Variants in PIBF1 observed in about 807,000 individuals in gnomAD.
PIBF1 encodes the protein progesterone-induced-blocking factor 1.
In PIBF1, 90 loss-of-function variants were observed where a neutral mutation model predicts 112.5. The observed-to-expected ratio is 0.80, with a 90% confidence interval of 0.67 to 0.95. The LOEUF is 0.95. PIBF1 is among the 40% of genes least tolerant of loss of function. The pLI is 0.00. For missense variants in PIBF1, 915 were observed against 852.3 expected (o/e 1.07, Z -0.92); for synonymous variants, 301 against 288.6 (o/e 1.04, Z -0.44).
intron 2 of PIBF1, among the ~76,000 whole-genome samples, chr13:72,792,019 G>A (rs1389172183): frequency 1.3e-5 from 2 of 152,122 alleles, no homozygotes; most frequent in East Asian, 3.9e-4. Context: ...CAGGAGGCCA[G>A]GCGCGGTGGC....
At chr13:72,875,159 T>A (rs1456349822) in intron 10 of PIBF1, among the ~76,000 whole-genome samples, 1 of 152,194 alleles carries the variant, frequency 6.6e-6, no homozygotes, top group East Asian at 1.9e-4. Context: ...ATCATACAGT[T>A]TGTAGTCTTT....
intron 10 of PIBF1, among the ~76,000 whole-genome samples, chr13:72,855,668 T>C (rs1474357226): frequency 1.3e-5 from 2 of 152,058 alleles, no homozygotes; most frequent in Admixed American, 1.3e-4. Flanking sequence ...TTTTTTAGTT[T>C]ATCTAAAAAA....
At chr13:72,970,805 T>C (rs189936368) in intron 15 of PIBF1, 11 of 152,286 alleles carry the variant, frequency 7.2e-5, no homozygotes, top group African/African-American at 2.6e-4. Context: ...ATCATCATAT[T>C]CAGTTTTAGA....
chr13:73,004,710 C>T (rs141292537), intron 17 of PIBF1, among the ~76,000 whole-genome samples: 167 of 152,194 alleles, frequency 1.1e-3, no homozygotes, highest in African/African-American at 3.9e-3. Context: ...ATAGGTTATA[C>T]CTAGTCATAT....
intron 10 of PIBF1, 22 bp from the exon 11 acceptor site, chr13:72,893,762 A>G (rs202174989): frequency 1.7e-4 from 259 of 1,506,256 alleles, no homozygotes; most frequent in Middle Eastern, 4.2e-4. Flanking sequence ...TTAGAGTGTC[A>G]TAACCATTCT....
chr13:72,788,998 C>T (rs1319177824), intron 2 of PIBF1, among the ~76,000 whole-genome samples: 1 of 152,166 alleles, frequency 6.6e-6, no homozygotes, highest in Non-Finnish European at 1.5e-5. Flanking sequence ...TCCAAGAACA[C>T]TTTAAAAGCA....
intron 17 of PIBF1, among the ~76,000 whole-genome samples, chr13:73,008,333 CT>C (rs1398945372): frequency 6.6e-6 from 1 of 152,180 alleles, no homozygotes; most frequent in Non-Finnish European, 1.5e-5. Context: ...AGTACTACCC[CT>C]GATGCTTGTA....
chr13:73,004,432 A>T (rs1208795140), intron 17 of PIBF1, among the ~76,000 whole-genome samples: 1 of 151,382 alleles, frequency 6.6e-6, no homozygotes, highest in Admixed American at 6.6e-5. Context: ...CGGAGGTTGC[A>T]TTGAGCCGAG....
intron 12 of PIBF1, among the ~76,000 whole-genome samples, chr13:72,913,121 TCAC>T (rs1594182345): frequency 6.6e-6 from 1 of 151,936 alleles, no homozygotes; most frequent in African/African-American, 2.4e-5. Context: ...AAGATGATTG[TCAC>T]CAAAAATTAA....
At chr13:72,943,227 G>A (rs560087199) in intron 14 of PIBF1, among the ~76,000 whole-genome samples, 1 of 152,290 alleles carries the variant, frequency 6.6e-6, no homozygotes, top group Admixed American at 6.5e-5. Flanking sequence ...GGAATGAAGA[G>A]AGGGTGGTTA....
At chr13:72,923,328 C>T (rs1337754823) in intron 13 of PIBF1, among the ~76,000 whole-genome samples, 1 of 152,148 alleles carries the variant, frequency 6.6e-6, no homozygotes, top group Non-Finnish European at 1.5e-5. Flanking sequence ...AACCAATAAC[C>T]TGTATTTGGC....
intron 17 of PIBF1, among the ~76,000 whole-genome samples, chr13:73,007,526 T>C (rs1228722143): frequency 6.6e-6 from 1 of 152,114 alleles, no homozygotes; most frequent in African/African-American, 2.4e-5. Flanking sequence ...CCTTTTAAAC[T>C]AGGCCAGGCG....
intron 16 of PIBF1, 94 bp downstream of exon 16, chr13:72,973,769 C>T: frequency 1.5e-6 from 1 of 675,748 alleles, no homozygotes; most frequent in South Asian, 1.8e-5. Context: ...TGTGCATGTT[C>T]ATTAATGACT....
At chr13:72,874,112 A>G (rs1260344676) in intron 10 of PIBF1, among the ~76,000 whole-genome samples, 1 of 152,228 alleles carries the variant, frequency 6.6e-6, no homozygotes, top group Admixed American at 6.5e-5. Context: ...TAAGGTTGTC[A>G]GTTAACTCAA....
intron 16 of PIBF1, among the ~76,000 whole-genome samples, chr13:72,987,858 A>ATTTATTTATTTTTTTTTTT (rs1345167411): frequency 1.7e-5 from 1 of 58,136 alleles, no homozygotes; most frequent in African/African-American, 9.3e-5. Context: ...TTATTTATTT[A>ATTTATTTATTTTTTTTTTT]TTTTTTTTTT....
chr13:72,923,278 T>C (rs1293181281), intron 13 of PIBF1, among the ~76,000 whole-genome samples: 1 of 152,204 alleles, frequency 6.6e-6, no homozygotes, highest in Admixed American at 6.5e-5. Flanking sequence ...GGAAATTGTA[T>C]GTAGTAATCA....
intron 8 of PIBF1, among the ~76,000 whole-genome samples, chr13:72,830,861 T>C (rs1435513285): frequency 6.6e-6 from 1 of 152,202 alleles, no homozygotes; most frequent in Admixed American, 6.5e-5. Context: ...AGCTCCTCTT[T>C]GTACCTCTGG....
chr13:72,947,383 T>G (rs968238576), intron 14 of PIBF1, among the ~76,000 whole-genome samples: 1 of 152,130 alleles, frequency 6.6e-6, no homozygotes, highest in Non-Finnish European at 1.5e-5. Flanking sequence ...GGAAACCATT[T>G]TTCTCTCCTA....
intron 10 of PIBF1, among the ~76,000 whole-genome samples, chr13:72,893,287 A>AT (rs907453669): frequency 4.6e-5 from 7 of 151,864 alleles, no homozygotes; most frequent in African/African-American, 1.7e-4. Context: ...CAGTTTGTAC[A>AT]TTTTTTTCTT....
Sources: gnomAD v4.1 joint callset for allele counts (sites outside exome capture counted in the v4.1 genomes callset) on GRCh38, gnomAD v4.1.1 for gene constraint, MANE v1.5 for transcripts, NCBI Gene and HGNC (gene_info 2026-07-23, HGNC 2026-07-21) for gene names.